DNAAF4: variants seen among roughly 807,000 people sequenced by gnomAD.
The protein encoded by DNAAF4 is dynein assembly factor 4, axonemal.
DNAAF4 carries 43 observed loss-of-function variants against 51.8 expected under a neutral mutation model. The observed-to-expected ratio is 0.83, with a 90% CI of 0.65 to 1.07. The LOEUF is 1.07. Ranked by LOEUF, DNAAF4 falls within the 50% of genes least tolerant of loss-of-function variation. The probability of loss-of-function intolerance (pLI) is 0.00; values close to 1 mark genes in which losing one functional copy is unlikely to be tolerated. For synonymous variants in DNAAF4, 194 were observed against 165.6 expected (o/e 1.17, Z -1.32); for missense variants, 581 against 493.0 (o/e 1.18, Z -1.69).
intron 1 of DNAAF4, among the ~76,000 whole-genome samples, chr15:55,499,880 C>A (rs1396323518): frequency 6.6e-6 from 1 of 152,156 alleles, no homozygotes; most frequent in Non-Finnish European, 1.5e-5. Flanking sequence ...TAGTAGCAGA[C>A]CATCATTAAA....
intron 4 of DNAAF4, among the ~76,000 whole-genome samples, chr15:55,472,226 G>T (rs1336809963): frequency 2.6e-5 from 4 of 152,176 alleles, no homozygotes; most frequent in African/African-American, 9.6e-5. Context: ...AATCCTTGAA[G>T]GTCTTTCAAA....
chr15:55,426,304 A>G (rs2057430312), downstream of DNAAF4, among the ~76,000 whole-genome samples: 2 of 152,142 alleles, frequency 1.3e-5, no homozygotes, highest in African/African-American at 2.4e-5. Flanking sequence ...CTAAACCATA[A>G]TTTCTAATCT....
chr15:55,500,822 G>A (rs188953189), intron 1 of DNAAF4, among the ~76,000 whole-genome samples: 15 of 151,758 alleles, frequency 9.9e-5, no homozygotes, highest in African/African-American at 3.1e-4. Flanking sequence ...GAGAAAGCTC[G>A]TTTCTACTAA....
At chr15:55,500,100 A>T (rs781301450) in intron 1 of DNAAF4, among the ~76,000 whole-genome samples, 1 of 152,166 alleles carries the variant, frequency 6.6e-6, no homozygotes, top group Non-Finnish European at 1.5e-5. Flanking sequence ...CTGAAAGTAT[A>T]ATACAAAACC....
intron 3 of DNAAF4, 103 bp downstream of exon 3, chr15:55,497,609 C>T: frequency 7.5e-7 from 1 of 1,334,254 alleles, no homozygotes; most frequent in Non-Finnish European, 1.0e-6. Flanking sequence ...AAAAAAAAAT[C>T]TATCTTCCCC....
At position 55,450,330 on chromosome 15, in the gene DNAAF4, C is replaced by T. The variant is rs2057913848; in HGVS notation, c.675G>A (p.Lys225=). ...AGCGAGGAGCAGGAATACTGTCTTC[C>T]TTTAACTTCTCAGTAAATATATTTT... ...NSENIFTEKL[K]EDSIPAPRSV... is the part of the protein sequence containing the mutation. Residue 225 remains lysine (K), a synonymous_variant, in exon 6 of 10, where the codon AAG becomes AAA. Coordinates refer to ENST00000321149, the MANE Select transcript of DNAAF4 (RefSeq NM_130810.4). 1 of 1,613,182 alleles carries T rather than the reference C, an allele frequency of 6.2e-7. No homozygotes were observed. The highest frequency in any genetic ancestry group is 1.3e-5 in the African/African-American group (1 of 74,898).
intron 4 of DNAAF4, among the ~76,000 whole-genome samples, chr15:55,483,222 G>T (rs1423298784): frequency 6.6e-6 from 1 of 151,794 alleles, no homozygotes; most frequent in African/African-American, 2.4e-5. Flanking sequence ...TCAGCCTTCC[G>T]AGTAGCTGGG....
At chr15:55,481,356 C>T (rs1436882266) in intron 4 of DNAAF4, among the ~76,000 whole-genome samples, 4 of 152,164 alleles carry the variant, frequency 2.6e-5, no homozygotes, top group African/African-American at 9.7e-5. Context: ...AGTCATGGGG[C>T]CCCTGGTCAA....
chr15:55,471,514 CT>C (rs559325274), intron 4 of DNAAF4, among the ~76,000 whole-genome samples: 8,109 of 143,868 alleles, frequency 0.056, 263 homozygotes, highest in East Asian at 0.15. Flanking sequence ...AAATGTTAAA[CT>C]TTTTTTTTTT....
At chr15:55,437,501 C>T (rs1298766620) in intron 7 of DNAAF4, among the ~76,000 whole-genome samples, 2 of 151,776 alleles carry the variant, frequency 1.3e-5, no homozygotes, top group African/African-American at 4.8e-5. Flanking sequence ...ACAGATAATG[C>T]CCCCCGCCCC....
intron 8 of DNAAF4, 87 bp from the exon 9 acceptor site, chr15:55,432,689 T>A: frequency 8.3e-7 from 1 of 1,207,992 alleles, no homozygotes; most frequent in Non-Finnish European, 1.2e-6. Flanking sequence ...CTCACGCCTG[T>A]AATCCCAACA....
Position 55,469,474 on chromosome 15 carries a change from CTTTTTTTTTTTTT to C in DNAAF4, c.406-2326_406-2314del, listed in dbSNP as rs1162485238. On this transcript the variant is annotated intron_variant, in intron 4 of 9. Transcript: ENST00000321149. ...TGGGTTTCTCCTATGCTTACCAATT[CTTTTTTTTTTTTT>C]TTTTTTTTTTTTTGAGACGGAGTCT... is the stretch of plus-strand genomic sequence containing the variant. Among the ~76,000 whole-genome samples the C allele has an allele frequency of 9.1e-5, 6 of 66,274 alleles. 1 individual carries two copies. The highest frequency in any genetic ancestry group is 2.7e-4 in the Admixed American group (1 of 3,688). 43.5% of individuals were successfully genotyped at this position (66,274 alleles called of 152,430 possible).
At position 55,486,917 on chromosome 15, in the gene DNAAF4, C is replaced by T. The variant is rs536634521; in HGVS notation, c.405+4206G>A. 5.3e-5 allele frequency among the ~76,000 whole-genome samples: 8 copies of T among 152,266 alleles called. No individual in the cohort carries two copies. In the East Asian group the frequency reaches 7.7e-4, roughly 15 times the overall value. Reference sequence around the variant, plus strand: ...TTTACTGGCTTCCTTCCTCAACATACGTATGCTCAAAATTTCTCCATCTTA... The same window carrying T: ...TTTACTGGCTTCCTTCCTCAACATATGTATGCTCAAAATTTCTCCATCTTA... On this transcript the variant is annotated intron_variant, in intron 4 of 9. Coordinates refer to ENST00000321149, the MANE Select transcript of DNAAF4 (RefSeq NM_130810.4).
intron 7 of DNAAF4, among the ~76,000 whole-genome samples, chr15:55,435,884 GT>G: frequency 6.6e-6 from 1 of 152,106 alleles, no homozygotes; most frequent in East Asian, 1.9e-4. Flanking sequence ...TGCCTCCCAG[GT>G]TCAAACGATT....
chr15:55,426,803 C>A (rs1879326829), downstream of DNAAF4, among the ~76,000 whole-genome samples: 1 of 152,188 alleles, frequency 6.6e-6, no homozygotes, highest in Non-Finnish European at 1.5e-5. Context: ...TTTTAGCTGG[C>A]AGGATAGGGA....
chr15:55,486,397 T>C (rs564644736), intron 4 of DNAAF4, among the ~76,000 whole-genome samples: 49 of 152,180 alleles, frequency 3.2e-4, no homozygotes, highest in African/African-American at 1.2e-3. Flanking sequence ...TTTCACCATA[T>C]TGACCAGGCT....
chr15:55,433,915 T>TATTATA, intron 8 of DNAAF4, among the ~76,000 whole-genome samples: 1 of 10,054 alleles, frequency 9.9e-5, no homozygotes, highest in South Asian at 2.6e-3. Flanking sequence ...TATATATAAT[T>TATTATA]ATATATATTA....
At chr15:55,441,895 C>G (rs1456311882) in intron 6 of DNAAF4, among the ~76,000 whole-genome samples, 1 of 152,158 alleles carries the variant, frequency 6.6e-6, no homozygotes, top group African/African-American at 2.4e-5. Flanking sequence ...GCTTCCTACT[C>G]TGACCAAAAA....
intron 6 of DNAAF4, among the ~76,000 whole-genome samples, chr15:55,447,026 G>GAT (rs2057840082): frequency 1.4e-5 from 2 of 147,362 alleles, no homozygotes; most frequent in African/African-American, 2.5e-5. Flanking sequence ...CTTCCCAGAC[G>GAT]GGGCAGCCGG....
Sources: gnomAD v4.1 joint callset for allele counts (sites outside exome capture counted in the v4.1 genomes callset) on GRCh38, gnomAD v4.1.1 for gene constraint, MANE v1.5 for transcripts, NCBI Gene and HGNC (gene_info 2026-07-23, HGNC 2026-07-21) for gene names.